PSTPIP2: variants seen among roughly 807,000 people sequenced by gnomAD.
The protein encoded by PSTPIP2 is proline-serine-threonine phosphatase-interacting protein 2.
A neutral mutation model predicts 63.3 loss-of-function variants in PSTPIP2; 33 were observed. The ratio of observed to expected loss-of-function variants is 0.52; its 90% CI spans 0.40 to 0.70. PSTPIP2 has a LOEUF of 0.70. PSTPIP2 is among the 30% of genes least tolerant of loss of function. PSTPIP2 has a pLI of 0.00. For missense variants in PSTPIP2, 312 were observed against 400.7 expected (o/e 0.78, Z 1.89); for synonymous variants, 125 against 132.7 (o/e 0.94, Z 0.40).
At chr18:46,068,985 CAG>C (rs142024674) in intron 1 of PSTPIP2, among the ~76,000 whole-genome samples, 1,957 of 152,230 alleles carry the variant, frequency 0.013, 40 homozygotes, top group African/African-American at 0.045. Context: ...CAATCCCAGG[CAG>C]AGAGAAGCCC....
chr18:46,054,245 T>C (rs1194989402), intron 1 of PSTPIP2, among the ~76,000 whole-genome samples: 1 of 152,214 alleles, frequency 6.6e-6, no homozygotes, highest in Non-Finnish European at 1.5e-5. Context: ...ATGCAGTCTC[T>C]TGTTGACCAA....
intron 1 of PSTPIP2, 34 bp downstream of exon 1, chr18:46,072,122 A>G: frequency 3.3e-6 from 5 of 1,526,048 alleles, no homozygotes; most frequent in Non-Finnish European, 4.4e-6. Context: ...CCGGGTCCTG[A>G]GCCCCGCGAT....
intron 2 of PSTPIP2, among the ~76,000 whole-genome samples, chr18:46,027,756 A>C (rs1304352407): frequency 6.6e-6 from 1 of 152,224 alleles, no homozygotes; most frequent in African/African-American, 2.4e-5. Flanking sequence ...AGAAGAAAAA[A>C]AACTGAAGTG....
chr18:46,017,220 T>C (rs1450121408), intron 3 of PSTPIP2, among the ~76,000 whole-genome samples: 1 of 152,192 alleles, frequency 6.6e-6, no homozygotes, highest in Admixed American at 6.5e-5. Context: ...TTTAAAGACA[T>C]AATTCTGCAG....
rs1028121231 is a variant in PSTPIP2, at chr18:46,006,163, C to T, written c.355-632G>A. ...CTGCCTCCTGGGTTCAAGCAATTCT[C>T]GTGCCTCAGCCTCCAGAGTAGCTGG... On this transcript the variant is annotated intron_variant, in intron 5 of 14. Coordinates refer to ENST00000409746, the MANE Select transcript of PSTPIP2 (RefSeq NM_024430.4). Among the ~76,000 whole-genome samples, 8 of 152,102 alleles carry T rather than the reference C, an allele frequency of 5.3e-5. No homozygotes were observed. In the South Asian group the frequency reaches 1.0e-3, roughly 20 times the overall value.
intron 2 of PSTPIP2, chr18:46,028,712 G>C (rs955406712): frequency 6.7e-6 from 6 of 896,574 alleles, no homozygotes; most frequent in Non-Finnish European, 1.1e-5. Context: ...AAAAATGCTA[G>C]TGAAAGTAAA....
intron 1 of PSTPIP2, among the ~76,000 whole-genome samples, chr18:46,057,997 CAAAAAAAAAAAAA>C (rs71177701): frequency 2.0e-5 from 2 of 100,598 alleles, no homozygotes; most frequent in Non-Finnish European, 4.1e-5. Flanking sequence ...GACTCCGTCT[CAAAAAAAAAAAAA>C]AAAAAAAATC....
chr18:46,063,286 T>G (rs1398836920), intron 1 of PSTPIP2, among the ~76,000 whole-genome samples: 1 of 152,182 alleles, frequency 6.6e-6, no homozygotes, highest in African/African-American at 2.4e-5. Context: ...ATTATAGGCA[T>G]GAGCCACAGC....
At chr18:45,995,019 A>G (rs1182744719) in intron 9 of PSTPIP2, among the ~76,000 whole-genome samples, 1 of 152,036 alleles carries the variant, frequency 6.6e-6, no homozygotes, top group Non-Finnish European at 1.5e-5. Flanking sequence ...CCAGATAGCC[A>G]TTATCCTGAA....
intron 2 of PSTPIP2, among the ~76,000 whole-genome samples, chr18:46,026,382 A>T (rs1599724742): frequency 1.3e-5 from 2 of 152,220 alleles, no homozygotes; most frequent in African/African-American, 4.8e-5. Flanking sequence ...TCTGTAAGTT[A>T]TCATCCAACT....
rs1326712504 is a variant in PSTPIP2 at position 46,015,914 on chromosome 18, A to G, written c.236T>C (p.Val79Ala). Reference protein sequence around the residue: ...EINTLKRALEVFKQQVDNVAQ... With the variant: ...EINTLKRALEAFKQQVDNVAQ... Reference sequence around the variant, plus strand: ...AAAAAATCACTTACGCTGCTTGAAGACTTCAAGGGCCCGCTTCAGGGTGCT... The same window carrying G: ...AAAAAATCACTTACGCTGCTTGAAGGCTTCAAGGGCCCGCTTCAGGGTGCT... The change falls in exon 4 of 15, where the codon GTC becomes GCC. Residue 79 changes from valine (V) to alanine (A), a missense_variant. Coordinates refer to ENST00000409746, the MANE Select transcript of PSTPIP2 (RefSeq NM_024430.4). 6.2e-7 allele frequency: 1 copy of G among 1,612,314 alleles called. No individual in the cohort carries two copies. The highest frequency in any genetic ancestry group is 1.3e-5 in the African/African-American group (1 of 74,786).
At chr18:46,026,933 G>T (rs1186725660) in intron 2 of PSTPIP2, among the ~76,000 whole-genome samples, 1 of 151,970 alleles carries the variant, frequency 6.6e-6, no homozygotes, top group Non-Finnish European at 1.5e-5. Flanking sequence ...ATTGTAACAG[G>T]GATTTCTTTC....
intron 8 of PSTPIP2, among the ~76,000 whole-genome samples, 162 bp from the exon 9 acceptor site, chr18:45,997,990 C>T (rs977714853): frequency 3.7e-4 from 56 of 151,778 alleles, no homozygotes; most frequent in African/African-American, 6.1e-4. Context: ...CATCTCTCAC[C>T]CTCATCATAT....
chr18:45,997,217 C>T (rs2051605798), intron 9 of PSTPIP2, among the ~76,000 whole-genome samples: 1 of 152,110 alleles, frequency 6.6e-6, no homozygotes, highest in Non-Finnish European at 1.5e-5. Flanking sequence ...GAGACGGAGT[C>T]TTGTTCTGTC....
chr18:46,068,062 A>G (rs966031102), intron 1 of PSTPIP2, among the ~76,000 whole-genome samples: 2 of 152,148 alleles, frequency 1.3e-5, no homozygotes, highest in Admixed American at 1.3e-4. Flanking sequence ...CCATATCTGC[A>G]TCCATGGATT....
At chr18:46,040,246 C>T (rs1031880767) in intron 1 of PSTPIP2, 199 bp from the exon 2 acceptor site, 14 of 449,778 alleles carry the variant, frequency 3.1e-5, no homozygotes, top group African/African-American at 2.7e-4. Context: ...TCAGTTCCTT[C>T]AAGGAAAATT....
intron 5 of PSTPIP2, among the ~76,000 whole-genome samples, chr18:46,008,917 CTTT>C (rs2051761885): frequency 6.6e-6 from 1 of 152,174 alleles, no homozygotes; most frequent in South Asian, 2.1e-4. Flanking sequence ...TCTATACAGC[CTTT>C]CACCCCACTG....
intron 1 of PSTPIP2, among the ~76,000 whole-genome samples, chr18:46,059,529 G>A (rs888901482): frequency 2.8e-4 from 42 of 152,052 alleles, no homozygotes; most frequent in Non-Finnish European, 1.0e-4. Context: ...GATTACAGGC[G>A]TGAGCCACCG....
At chr18:46,037,881 C>T (rs900098549) in intron 2 of PSTPIP2, among the ~76,000 whole-genome samples, 2 of 152,230 alleles carry the variant, frequency 1.3e-5, no homozygotes, top group Non-Finnish European at 2.9e-5. Context: ...AGAACATATA[C>T]TAGAAATACA....
Sources: allele counts gnomAD v4.1 joint callset (sites outside exome capture counted in the v4.1 genomes callset), GRCh38; gene constraint gnomAD v4.1.1; transcripts MANE v1.5; gene names NCBI Gene and HGNC (gene_info 2026-07-23, HGNC 2026-07-21).